The following TMC1 variants were observed in gnomAD, a reference collection of about 807,000 sequenced individuals.
TMC1 encodes transmembrane channel like 1, also known as transmembrane channel-like protein 1.
Under a neutral mutation model 105.8 loss-of-function variants are expected in TMC1, and 84 were observed. That is an observed-to-expected ratio of 0.79 (90% CI 0.67 to 0.95). TMC1 has a LOEUF of 0.95. Ranked by LOEUF, TMC1 falls within the 40% of genes least tolerant of loss-of-function variation. The probability of loss-of-function intolerance (pLI) is 0.00; values close to 1 mark genes in which losing one functional copy is unlikely to be tolerated. For missense variants in TMC1, 817 were observed against 914.1 expected, an observed-to-expected ratio of 0.89 and a Z score of 1.37; for synonymous variants, 315 against 311.5, an observed-to-expected ratio of 1.01 and a Z score of -0.12.
rs184751490 is a variant in TMC1 at position 72,780,496 on chromosome 9, A to G, written c.885-7843A>G. On this transcript the variant is annotated intron_variant, in intron 13 of 23. Coordinates refer to ENST00000297784, the MANE Select transcript of TMC1 (RefSeq NM_138691.3). ...GGATCAAGAAGCAAGAACCAACTGT[A>G]TGTTGTCTTCAAGGGACCCATCTCA... Among the ~76,000 whole-genome samples, 50 of 152,332 alleles carry G rather than the reference A, an allele frequency of 3.3e-4. No individual in the cohort carries two copies. In the East Asian group the frequency reaches 8.7e-3, roughly 26 times the overall value.
rs1827646935 is a variant in TMC1, at chr9:72,754,867, G to A, written c.724G>A (p.Val242Met). The A allele has an allele frequency of 8.1e-6, 13 of 1,613,916 alleles. No individual in the cohort carries two copies. The highest frequency in any genetic ancestry group is 1.1e-5 in the Non-Finnish European group (13 of 1,179,810). ...AGAGGCATCGGCAGCAAACTTTGGT[G>A]TGTTGTACGACTTCAATGTAAGTGT... ...AEEASAANFG[V>M]LYDFNGLAQY... Residue 242 changes from valine to methionine, a missense_variant, in exon 12 of 24, where the codon GTG (valine) becomes ATG (methionine). By Grantham distance (21) the Val-to-Met change is conservative. Coordinates refer to ENST00000297784, the MANE Select transcript of TMC1 (RefSeq NM_138691.3).
At chr9:72,700,674 C>A in intron 8 of TMC1, 31 bp downstream of exon 8, 1 of 1,510,530 alleles carries the variant, frequency 6.6e-7, no homozygotes, top group Non-Finnish European at 9.0e-7. Flanking sequence ...AGTAGAAACA[C>A]TTTCCCTGAT....
chr9:72,836,933 A>G lies in TMC1; in HGVS notation c.*960A>G, dbSNP rs1208879021. The stretch of plus-strand genomic sequence containing the variant: ...GTGTAGGTTTATTAAAAAGTTTTAC[A>G]GCAGGAACAAAAGGAAATAAAATAT... On this transcript the variant is annotated 3_prime_UTR_variant, in exon 24 of 24. Coordinates refer to ENST00000297784, the MANE Select transcript of TMC1 (RefSeq NM_138691.3). The G allele has an allele frequency of 6.6e-6, 1 of 152,192 alleles. No homozygotes were observed. Among genetic ancestry groups the G allele is most frequent in the Non-Finnish European group, 1.5e-5 (1 of 68,060 alleles). The allele number at this position is 152,192 out of a possible 1,614,324, so 9.4% of individuals were successfully genotyped here.
At chr9:72,804,817 C>A (rs529748603) in intron 17 of TMC1, among the ~76,000 whole-genome samples, 107 of 152,344 alleles carry the variant, frequency 7.0e-4, no homozygotes, top group Non-Finnish European at 1.3e-3. Flanking sequence ...ATTCGTGAGG[C>A]AACAACTCAT....
At chr9:72,587,978 G>C (rs1186968488) in intron 2 of TMC1, among the ~76,000 whole-genome samples, 1 of 151,798 alleles carries the variant, frequency 6.6e-6, no homozygotes, top group East Asian at 1.9e-4. Context: ...TAGTAGAAAT[G>C]GGGTGTCACC....
chr9:72,717,641 A>G (rs1826943254), intron 8 of TMC1, among the ~76,000 whole-genome samples: 1 of 152,186 alleles, frequency 6.6e-6, no homozygotes, highest in African/African-American at 2.4e-5. Flanking sequence ...TCTAGCCTGT[A>G]GGGTTTCTGC....
chr9:72,833,947 T>G (rs928681800), intron 23 of TMC1, among the ~76,000 whole-genome samples: 3 of 152,132 alleles, frequency 2.0e-5, no homozygotes, highest in African/African-American at 7.2e-5. Context: ...TTATTCCTTG[T>G]GTACTCATCA....
intron 8 of TMC1, among the ~76,000 whole-genome samples, chr9:72,731,402 T>C (rs764929782): frequency 7.9e-5 from 12 of 152,118 alleles, no homozygotes; most frequent in Non-Finnish European, 1.8e-4. Context: ...GTGGAGAAGC[T>C]GTAGTGTTGG....
At position 72,668,397 on chromosome 9, in the gene TMC1, T is replaced by G. The variant is rs1826076464; in HGVS notation, c.16+19733T>G. Among the ~76,000 whole-genome samples, 7 of 152,216 alleles carry G rather than the reference T, an allele frequency of 4.6e-5. No homozygotes were observed. In the South Asian group the frequency reaches 1.4e-3, roughly 32 times the overall value. ...AGCTGAACCACACAGCCCCTCTTAG[T>G]GCTTTGTCTCCATAGACACTAAGTG... On this transcript the variant is annotated intron_variant, in intron 5 of 23. Coordinates refer to ENST00000297784, the MANE Select transcript of TMC1 (RefSeq NM_138691.3).
chr9:72,769,215 G>C (rs1827886303), intron 12 of TMC1, among the ~76,000 whole-genome samples: 1 of 152,138 alleles, frequency 6.6e-6, no homozygotes, highest in Non-Finnish European at 1.5e-5. Flanking sequence ...CTGTAAAATA[G>C]GTATAGTGAT....
intron 5 of TMC1, among the ~76,000 whole-genome samples, chr9:72,685,263 C>T (rs916083597): frequency 2.7e-5 from 4 of 149,582 alleles, no homozygotes; most frequent in Non-Finnish European, 5.9e-5. Flanking sequence ...CCCACCACCA[C>T]ACCCGGATAA....
chr9:72,665,689 C>T (rs774845354), intron 5 of TMC1, among the ~76,000 whole-genome samples: 5 of 152,192 alleles, frequency 3.3e-5, no homozygotes, highest in Non-Finnish European at 5.9e-5. Flanking sequence ...TTACGTCTGG[C>T]ATCACGATAC....
chr9:72,745,986 A>T (rs1045806972), intron 10 of TMC1, among the ~76,000 whole-genome samples: 1 of 152,226 alleles, frequency 6.6e-6, no homozygotes, highest in African/African-American at 2.4e-5. Flanking sequence ...TGTGAAATTC[A>T]TTAATCATAC....
In TMC1 at chr9:72,626,517, G is replaced by A. The variant is rs186060617; in HGVS notation, c.-195-1404G>A. Among the ~76,000 whole-genome samples, 4 of 152,316 alleles carry A rather than the reference G, an allele frequency of 2.6e-5. No homozygotes were observed. In the East Asian group the frequency reaches 7.7e-4, roughly 29 times the overall value. On this transcript the variant is annotated intron_variant, in intron 3 of 23. Transcript: ENST00000297784. Reference sequence around the variant, plus strand: ...TTTAGTAACAACACTGAAGAGAGCAGGAAGAAATAAAGAAACATTTGCAAG... The same window carrying A: ...TTTAGTAACAACACTGAAGAGAGCAAGAAGAAATAAAGAAACATTTGCAAG...
At chr9:72,641,498 G>A (rs1825626735) in intron 4 of TMC1, among the ~76,000 whole-genome samples, 1 of 152,180 alleles carries the variant, frequency 6.6e-6, no homozygotes, top group East Asian at 1.9e-4. Flanking sequence ...ACAAACTCCT[G>A]GATTTAGTCC....
intron 1 of TMC1, among the ~76,000 whole-genome samples, chr9:72,535,050 G>C (rs1457606975): frequency 8.6e-6 from 1 of 116,388 alleles, no homozygotes; most frequent in Non-Finnish European, 2.0e-5. Context: ...CTCTTAGAGA[G>C]AGAGAAAAAA....
chr9:72,659,394 AG>A (rs1296821780), intron 5 of TMC1, among the ~76,000 whole-genome samples: 1 of 152,140 alleles, frequency 6.6e-6, no homozygotes, highest in African/African-American at 2.4e-5. Flanking sequence ...CAGAACTTTG[AG>A]AGGCCAAGGT....
At chr9:72,684,667 A>G (rs1826347095) in intron 5 of TMC1, among the ~76,000 whole-genome samples, 1 of 152,148 alleles carries the variant, frequency 6.6e-6, no homozygotes, top group Non-Finnish European at 1.5e-5. Context: ...TGCCTACTTA[A>G]TGTCATGCTT....
At chr9:72,767,833 G>A (rs1349313639) in intron 12 of TMC1, among the ~76,000 whole-genome samples, 1 of 152,108 alleles carries the variant, frequency 6.6e-6, no homozygotes, top group Non-Finnish European at 1.5e-5. Flanking sequence ...TAGAACCTTG[G>A]CTGGGCTAGG....
Sources: gnomAD v4.1 joint callset for allele counts (sites outside exome capture counted in the v4.1 genomes callset) on GRCh38, gnomAD v4.1.1 for gene constraint, MANE v1.5 for transcripts, NCBI Gene and HGNC (gene_info 2026-07-23, HGNC 2026-07-21) for gene names.